Variants in LDLRAD4 observed in about 807,000 individuals in gnomAD.
LDLRAD4 encodes low density lipoprotein receptor class A domain containing 4, also known as low-density lipoprotein receptor class A domain-containing protein 4.
LDLRAD4 carries 5 observed loss-of-function variants against 17.0 expected under a neutral mutation model. The observed-to-expected ratio is 0.29, with a 90% CI of 0.15 to 0.62. The LOEUF is 0.62. LDLRAD4 is among the 20% of genes least tolerant of loss of function. The pLI, the probability that LDLRAD4 is intolerant of heterozygous loss-of-function variation, is 0.84. For missense variants in LDLRAD4, 340 were observed against 424.7 expected (o/e 0.80, Z 1.75); for synonymous variants, 168 against 171.8 (o/e 0.98, Z 0.17).
intron 2 of LDLRAD4, among the ~76,000 whole-genome samples, chr18:13,430,620 G>A (rs1303757985): frequency 3.9e-5 from 6 of 152,052 alleles, no homozygotes; most frequent in South Asian, 2.1e-4. Context: ...GGTGTTTTTC[G>A]GTCTGCATAG....
chr18:13,398,054 C>T lies in LDLRAD4; in HGVS notation c.40+10292C>T, dbSNP rs75848252. Among the ~76,000 whole-genome samples, 1,807 of 152,310 alleles carry T rather than the reference C, an allele frequency of 0.012. 41 individuals are homozygous for T. Among genetic ancestry groups the T allele is most frequent in the African/African-American group, 0.04 (1,668 of 41,558 alleles). ...GATCTGCACAGGCCCGAGAGACCCT[C>T]CTTGAGGACGCAGTGGCCAGTGGGG... On this transcript the variant is annotated intron_variant, in intron 2 of 5. Coordinates refer to ENST00000359446, the Ensembl canonical transcript of LDLRAD4. The surrounding 1 kb of genome is among the most constrained non-coding windows in gnomAD (Gnocchi z 4.8).
At chr18:13,543,337 C>T (rs970584817) in intron 3 of LDLRAD4, 10 of 152,182 alleles carry the variant, frequency 6.6e-5, no homozygotes, top group African/African-American at 2.2e-4. Context: ...ACGGCATGCA[C>T]CCACACATGC....
At chr18:13,226,665 A>G (rs902578304) in intron 1 of LDLRAD4, among the ~76,000 whole-genome samples, 1 of 151,812 alleles carries the variant, frequency 6.6e-6, no homozygotes, top group African/African-American at 2.4e-5. Context: ...ATGTCAGTGG[A>G]TGATCTCAGT....
Position 13,376,365 on chromosome 18 carries a change from G to A in LDLRAD4, c.-382-10976G>A, listed in dbSNP as rs1000767545. Reference sequence around the variant, plus strand: ...GGTCAGGCTGGCGCGGCCCACGGTCGCTTAGATCATGAAAGGCCTCTCAGA... The same window carrying A: ...GGTCAGGCTGGCGCGGCCCACGGTCACTTAGATCATGAAAGGCCTCTCAGA... On this transcript the variant is annotated intron_variant, in intron 1 of 5. Coordinates refer to ENST00000359446, the Ensembl canonical transcript of LDLRAD4. Among the ~76,000 whole-genome samples, 6 of 152,336 alleles carry A rather than the reference G, an allele frequency of 3.9e-5. No homozygotes were observed. The South Asian group carries it at 8.3e-4, about 21-fold the overall frequency.
chr18:13,500,053 G>A (rs912014976), intron 3 of LDLRAD4, among the ~76,000 whole-genome samples: 1 of 152,158 alleles, frequency 6.6e-6, no homozygotes, highest in African/African-American at 2.4e-5. Context: ...CAGACATGTT[G>A]TCCAAGACTT....
rs116909159 is a variant in LDLRAD4 at position 13,230,213 on chromosome 18, C to T, written c.-467+11225C>T. Among the ~76,000 whole-genome samples, 15 of 152,264 alleles carry T rather than the reference C, an allele frequency of 9.9e-5. No individual in the cohort carries two copies. The South Asian group carries it at 1.7e-3, about 17-fold the overall frequency. ...GGCCCTCACCACACACCAGATCTGC[C>T]GGCACCTTGATCTTGGACGTCCCAT... On this transcript the variant is annotated intron_variant, in intron 1 of 5. Transcript: ENST00000399848.
rs535722563 is a variant in LDLRAD4, at chr18:13,265,064, C to T, written c.-466-13041C>T. On this transcript the variant is annotated intron_variant, in intron 1 of 5. Coordinates refer to the LDLRAD4 transcript ENST00000399848. ...TGGCTCCCTGATCCATCCACTGTGT[C>T]GCCAAGGCCTGTGATTCTACCTTCT... Among the ~76,000 whole-genome samples the T allele has an allele frequency of 4.6e-5, 7 of 152,324 alleles. No individual in the cohort carries two copies. The South Asian group carries it at 1.2e-3, about 27-fold the overall frequency.
At chr18:13,414,110 C>G (rs1262795022) in intron 2 of LDLRAD4, among the ~76,000 whole-genome samples, 2 of 152,212 alleles carry the variant, frequency 1.3e-5, no homozygotes, top group African/African-American at 4.8e-5. Context: ...TGGAGGTCTA[C>G]CTCATGCCTC....
intron 3 of LDLRAD4, among the ~76,000 whole-genome samples, chr18:13,499,210 A>G (rs1456570371): frequency 1.3e-5 from 2 of 148,992 alleles, no homozygotes; most frequent in African/African-American, 5.0e-5. Context: ...CCCGCTGTGG[A>G]TACTGGAGAA....
intron 2 of LDLRAD4, among the ~76,000 whole-genome samples, chr18:13,413,069 G>A (rs1225681809): frequency 6.6e-6 from 1 of 152,190 alleles, no homozygotes; most frequent in African/African-American, 2.4e-5. Context: ...AGCAGGAAGG[G>A]CTCCTCTTGA....
At position 13,381,794 on chromosome 18, in the gene LDLRAD4, C is replaced by T. The variant is rs190329778; in HGVS notation, c.-382-5547C>T. 2.2e-3 allele frequency among the ~76,000 whole-genome samples: 339 copies of T among 152,242 alleles called. 1 individual carries two copies. The highest frequency in any genetic ancestry group is 3.9e-3 in the Non-Finnish European group (262 of 68,048). On this transcript the variant is annotated intron_variant, in intron 1 of 5. Coordinates refer to ENST00000359446, the Ensembl canonical transcript of LDLRAD4. ...TCTCCCATCTGTCTCATGACAAGCCCTTTGCCTCTTTGATCCTAAATGAAC... is the reference window on the plus strand; with the variant it reads ...TCTCCCATCTGTCTCATGACAAGCCTTTTGCCTCTTTGATCCTAAATGAAC...
intron 1 of LDLRAD4, among the ~76,000 whole-genome samples, chr18:13,232,571 G>T (rs145969681): frequency 6.6e-6 from 1 of 151,966 alleles, no homozygotes; most frequent in African/African-American, 2.4e-5. Context: ...GGCTGCTGCT[G>T]CCCCGTGCTG....
intron 3 of LDLRAD4, among the ~76,000 whole-genome samples, chr18:13,582,831 G>A (rs965886451): frequency 2.0e-5 from 3 of 152,206 alleles, no homozygotes; most frequent in East Asian, 3.8e-4. Flanking sequence ...TCCTGCCTCA[G>A]CCTCCCAAGT....
At chr18:13,534,431 A>G (rs1391710115) in intron 3 of LDLRAD4, among the ~76,000 whole-genome samples, 1 of 152,324 alleles carries the variant, frequency 6.6e-6, no homozygotes, top group Admixed American at 6.5e-5. Context: ...ACCTAACTGA[A>G]TGAGTTGTTT....
At chr18:13,422,844 G>A in intron 2 of LDLRAD4, among the ~76,000 whole-genome samples, 1 of 152,238 alleles carries the variant, frequency 6.6e-6, no homozygotes, top group Admixed American at 6.5e-5. Context: ...AGTGCCATGT[G>A]CTGTGCCAGG....
At chr18:13,469,232 A>G (rs1486471653) in intron 3 of LDLRAD4, among the ~76,000 whole-genome samples, 1 of 152,238 alleles carries the variant, frequency 6.6e-6, no homozygotes, top group African/African-American at 2.4e-5. Flanking sequence ...ATCAGAAAAT[A>G]ACAAGCATTG....
chr18:13,271,028 A>G (rs1217307128), intron 1 of LDLRAD4, among the ~76,000 whole-genome samples: 2 of 152,218 alleles, frequency 1.3e-5, no homozygotes, highest in African/African-American at 4.8e-5. Flanking sequence ...TACAGAGGAA[A>G]GATCAAACAT....
At chr18:13,239,265 G>A (rs2042504792) in intron 1 of LDLRAD4, among the ~76,000 whole-genome samples, 1 of 152,114 alleles carries the variant, frequency 6.6e-6, no homozygotes. Context: ...TGCGGTTGGA[G>A]GGGCCTGGCG....
chr18:13,583,686 G>C (rs1157488178), intron 3 of LDLRAD4, among the ~76,000 whole-genome samples: 1 of 152,100 alleles, frequency 6.6e-6, no homozygotes, highest in South Asian at 2.1e-4. Context: ...ACCAGGGTGT[G>C]GTTTTCACTC....
Sources: gnomAD v4.1 joint callset for allele counts (sites outside exome capture counted in the v4.1 genomes callset) on GRCh38, gnomAD v4.1.1 for gene constraint, Gnocchi (gnomAD v3.1) non-coding constraint, MANE v1.5 for transcripts, NCBI Gene and HGNC (gene_info 2026-07-23, HGNC 2026-07-21) for gene names.